LRRTM4: variants seen among roughly 807,000 people sequenced by gnomAD.
LRRTM4 encodes leucine rich repeat transmembrane neuronal 4.
Under a neutral mutation model 47.6 loss-of-function variants are expected in LRRTM4, and 25 were observed. The ratio of observed to expected loss-of-function variants is 0.53; its 90% CI spans 0.38 to 0.73. LRRTM4 has a LOEUF of 0.73. LRRTM4 is among the 30% of genes least tolerant of loss of function. The probability of loss-of-function intolerance (pLI) is 0.00; values close to 1 mark genes in which losing one functional copy is unlikely to be tolerated. For synonymous variants in LRRTM4, 311 were observed against 269.5 expected (o/e 1.15, Z -1.51); for missense variants, 638 against 713.4 (o/e 0.89, Z 1.20).
intron 3 of LRRTM4, among the ~76,000 whole-genome samples, chr2:76,929,298 T>A (rs769244345): frequency 6.6e-6 from 1 of 152,154 alleles, no homozygotes; most frequent in Non-Finnish European, 1.5e-5. Context: ...CTAACGCCCA[T>A]GAACCACATC....
At chr2:77,477,087 A>C (rs1279412013) in intron 3 of LRRTM4, among the ~76,000 whole-genome samples, 1 of 151,920 alleles carries the variant, frequency 6.6e-6, no homozygotes, top group Non-Finnish European at 1.5e-5. Flanking sequence ...TAAAAGGAGG[A>C]ATGTGGCTGA....
In LRRTM4 at chr2:77,226,183, C is replaced by T. The variant is rs1049723176; in HGVS notation, c.1551+292135G>A. Among the ~76,000 whole-genome samples, 19 of 151,736 alleles carry T rather than the reference C, an allele frequency of 1.3e-4. No homozygotes were observed. The South Asian group carries it at 3.1e-3, about 25-fold the overall frequency. Reference sequence around the variant, plus strand: ...AAAATTGGAAAAACAATTACAATTCCTCTATCCAATATTTCACTTAAAATG... The same window carrying T: ...AAAATTGGAAAAACAATTACAATTCTTCTATCCAATATTTCACTTAAAATG... On this transcript the variant is annotated intron_variant, in intron 3 of 3. Transcript: ENST00000409884.
chr2:76,966,940 T>C (rs968029729), intron 3 of LRRTM4, among the ~76,000 whole-genome samples: 3 of 151,468 alleles, frequency 2.0e-5, no homozygotes, highest in African/African-American at 7.3e-5. Flanking sequence ...TTCAGCCCTC[T>C]CAATTTTTAT....
chr2:77,101,087 G>A (rs773273240), intron 3 of LRRTM4, among the ~76,000 whole-genome samples: 9 of 151,712 alleles, frequency 5.9e-5, no homozygotes, highest in Non-Finnish European at 1.0e-4. Context: ...CACCCGCCTC[G>A]GCCTCCCAAA....
chr2:77,518,331 G>T lies in LRRTM4; in HGVS notation c.1538C>A (p.Ser513Tyr). Reference sequence around the variant, plus strand: ...CATGGTTCATACCTCACATTCCCTGGAGCCAGAGATGGTATATGTGCAGGG... The same window carrying T: ...CATGGTTCATACCTCACATTCCCTGTAGCCAGAGATGGTATATGTGCAGGG... Reference protein sequence around the residue: ...SGPCTYTISGSRECEMPHHMK... With the variant: ...SGPCTYTISGYRECEMPHHMK... Residue 513 changes from serine (S) to tyrosine (Y), a missense_variant, in exon 3 of 4, where the codon TCC becomes TAC. Coordinates refer to ENST00000409884, the MANE Select transcript of LRRTM4 (RefSeq NM_001134745.3). The T allele has an allele frequency of 6.2e-7, 1 of 1,606,158 alleles. No homozygotes were observed.
At chr2:77,091,199 C>T (rs1186695169) in intron 3 of LRRTM4, among the ~76,000 whole-genome samples, 4 of 148,476 alleles carry the variant, frequency 2.7e-5, no homozygotes, top group Admixed American at 6.7e-5. Context: ...TATCTCATTG[C>T]CGCCCTTCTT....
intron 3 of LRRTM4, among the ~76,000 whole-genome samples, chr2:77,470,332 A>G (rs917678216): frequency 1.3e-5 from 2 of 152,202 alleles, no homozygotes; most frequent in African/African-American, 4.8e-5. Flanking sequence ...AGAATTTTGG[A>G]AGGCACACCA....
intron 3 of LRRTM4, among the ~76,000 whole-genome samples, chr2:76,896,228 A>G (rs78266312): frequency 0.014 from 2,116 of 152,094 alleles, 62 homozygotes; most frequent in South Asian, 0.073. Flanking sequence ...ACACACACAC[A>G]GACACACGAT....
chr2:76,849,825 C>T (rs1573208431), intron 3 of LRRTM4, among the ~76,000 whole-genome samples: 1 of 152,010 alleles, frequency 6.6e-6, no homozygotes, highest in East Asian at 1.9e-4. Context: ...AAGTTGAAGA[C>T]AATTTTTTTT....
intron 3 of LRRTM4, among the ~76,000 whole-genome samples, chr2:77,433,975 G>C (rs1343173184): frequency 6.6e-6 from 1 of 152,176 alleles, no homozygotes; most frequent in Non-Finnish European, 1.5e-5. Flanking sequence ...CAAGTTATGG[G>C]ATTTGAGAGC....
chr2:77,252,389 T>G lies in LRRTM4; in HGVS notation c.1551+265929A>C, dbSNP rs118160058. On this transcript the variant is annotated intron_variant, in intron 3 of 3. Coordinates refer to ENST00000409884, the MANE Select transcript of LRRTM4 (RefSeq NM_001134745.3). Reference sequence around the variant, plus strand: ...TTTTTTCTAACAAACAAGGTCAACTTAACCTCTGCGGGAACAGGAGCCATG... The same window carrying G: ...TTTTTTCTAACAAACAAGGTCAACTGAACCTCTGCGGGAACAGGAGCCATG... Among the ~76,000 whole-genome samples, 36 of 152,208 alleles carry G rather than the reference T, an allele frequency of 2.4e-4. No homozygotes were observed. In the East Asian group the frequency reaches 5.6e-3, roughly 24 times the overall value.
intron 3 of LRRTM4, among the ~76,000 whole-genome samples, chr2:76,773,882 T>C (rs1673830054): frequency 1.3e-5 from 2 of 151,928 alleles, no homozygotes; most frequent in Non-Finnish European, 2.9e-5. Flanking sequence ...ATAAATTTTA[T>C]TTACCTGGTA....
chr2:77,042,658 G>A (rs1235114290), intron 3 of LRRTM4, among the ~76,000 whole-genome samples: 3 of 128,836 alleles, frequency 2.3e-5, no homozygotes, highest in South Asian at 2.5e-4. Flanking sequence ...TTAATTTCAT[G>A]CCATTCTTAT....
intron 3 of LRRTM4, among the ~76,000 whole-genome samples, chr2:77,016,091 T>C (rs908494414): frequency 1.3e-5 from 2 of 148,202 alleles, no homozygotes; most frequent in Non-Finnish European, 3.0e-5. Flanking sequence ...CAAAACAAAA[T>C]ATAAACAAAC....
At chr2:77,058,398 G>A (rs74391364) in intron 3 of LRRTM4, among the ~76,000 whole-genome samples, 1,885 of 152,278 alleles carry the variant, frequency 0.012, 16 homozygotes, top group Non-Finnish European at 0.02. Flanking sequence ...AGGCAAATGT[G>A]AAGAGAGGGC....
chr2:77,176,785 A>C (rs1181929303), intron 3 of LRRTM4, among the ~76,000 whole-genome samples: 1 of 152,204 alleles, frequency 6.6e-6, no homozygotes, highest in East Asian at 1.9e-4. Flanking sequence ...ATCTGGCAGG[A>C]CTTGTTTTAC....
At chr2:77,478,102 C>G (rs567859545) in intron 3 of LRRTM4, among the ~76,000 whole-genome samples, 2 of 152,038 alleles carry the variant, frequency 1.3e-5, no homozygotes, top group African/African-American at 2.4e-5. Context: ...TAAGATTTTA[C>G]AGAATCAAAA....
At chr2:76,877,758 G>A (rs1245784194) in intron 3 of LRRTM4, among the ~76,000 whole-genome samples, 1 of 152,090 alleles carries the variant, frequency 6.6e-6, no homozygotes, top group Non-Finnish European at 1.5e-5. Flanking sequence ...ATCGAGCATT[G>A]AAGTAGCTTA....
At chr2:76,826,132 T>C (rs965307785) in intron 3 of LRRTM4, among the ~76,000 whole-genome samples, 14 of 151,736 alleles carry the variant, frequency 9.2e-5, no homozygotes, top group Non-Finnish European at 1.8e-4. Context: ...TAAGATTTGC[T>C]ACAAAGAGGA....
Sources: allele counts gnomAD v4.1 joint callset (sites outside exome capture counted in the v4.1 genomes callset), GRCh38; gene constraint gnomAD v4.1.1; transcripts MANE v1.5; gene names NCBI Gene and HGNC (gene_info 2026-07-23, HGNC 2026-07-21).